The following LTBP3 variants were observed in gnomAD, a reference collection of about 807,000 sequenced individuals.
LTBP3 encodes latent-transforming growth factor beta-binding protein 3.
LTBP3 carries 97 observed loss-of-function variants against 159.7 expected under a neutral mutation model. That is an observed-to-expected ratio of 0.61 (90% CI 0.52 to 0.72). LTBP3 has a LOEUF of 0.72. LTBP3 is among the 30% of genes least tolerant of loss of function. The pLI, the probability that LTBP3 is intolerant of heterozygous loss-of-function variation, is 0.00. For missense variants in LTBP3, 1,584 were observed against 1,864.3 expected (o/e 0.85, Z 2.77); for synonymous variants, 824 against 777.1 (o/e 1.06, Z -1.00).
At chr11:65,539,922 G>A (rs1856002754) in intron 24 of LTBP3, 41 bp from the exon 25 acceptor site, 1 of 1,484,822 alleles carries the variant, frequency 6.7e-7, no homozygotes, top group Admixed American at 2.3e-5. Context: ...GCCCAAGGCA[G>A]GAACCGCCCG....
At position 65,552,536 on chromosome 11, in the gene LTBP3, A is replaced by G; in HGVS notation, c.1187-130T>C. On this transcript the variant is annotated intron_variant, in intron 6 of 27. Coordinates refer to ENST00000301873, the MANE Select transcript of LTBP3 (RefSeq NM_001130144.3). This position sits in a 1 kb window ranked among gnomAD's most constrained non-coding sequence, Gnocchi z 6.0. ...TCCCCCATGTGGTCTCTGACCCCAT[A>G]TGACCCTGAACTCATGTGACCCCTG... is the stretch of plus-strand genomic sequence containing the variant. 8.6e-7 allele frequency: 1 copy of G among 1,166,360 alleles called. No homozygotes were observed. 72.3% of individuals were successfully genotyped at this position (1,166,360 alleles called of 1,614,324 possible). A position where few individuals can be genotyped will look rare whatever the true frequency, so the allele number is the denominator to read the frequency against.
Position 65,553,366 on chromosome 11 carries a change from G to C in LTBP3, c.970+59C>G. The stretch of plus-strand genomic sequence containing the variant: ...CTGGGGACTCCCACTGCAGGGATGG[G>C]TGGGGTGGGTGGGGAGGGGCCACCA... On this transcript the variant is annotated intron_variant, in intron 4 of 27. Transcript: ENST00000301873. The surrounding 1 kb of genome is among the most constrained non-coding windows in gnomAD (Gnocchi z 6.5). 3.6e-6 allele frequency: 5 copies of C among 1,383,138 alleles called. No individual in the cohort carries two copies. The highest frequency in any genetic ancestry group is 5.1e-6 in the Non-Finnish European group (5 of 982,918). The allele number at this position is 1,383,138 out of a possible 1,614,324, so 85.7% of individuals were successfully genotyped here.
chr11:65,557,780 C>T lies in LTBP3; in HGVS notation c.180G>A (p.Glu60=). 1 of 1,595,704 alleles carries T rather than the reference C, an allele frequency of 6.3e-7. No individual in the cohort carries two copies. The highest frequency in any genetic ancestry group is 8.5e-7 in the Non-Finnish European group (1 of 1,177,396). ...CCGGCGCAAAGACCACCTTGAAGCG[C>T]TCGCGGGCCAGCGCCCCGCCCCCGC... ...GAGGGGALAR[E]RFKVVFAPVI... is the part of the protein sequence containing the mutation. The change falls in exon 1 of 28, where the codon GAG becomes GAA. Residue 60 remains glutamate (E), a synonymous_variant. Coordinates refer to ENST00000301873, the MANE Select transcript of LTBP3 (RefSeq NM_001130144.3).
At position 65,539,928 on chromosome 11, in the gene LTBP3, GCCCGCCTCCGCCCCAC is replaced by G. The variant is rs1243744930; in HGVS notation, c.3386-63_3386-48del. The stretch of plus-strand genomic sequence containing the variant: ...AGGGGAGGGGCCCAAGGCAGGAACC[GCCCGCCTCCGCCCCAC>G]CCCACCTGCGCGGGGGCCACGTGAC... On this transcript the variant is annotated intron_variant, in intron 24 of 27. Transcript: ENST00000301873. The G allele has an allele frequency of 6.1e-6, 9 of 1,473,832 alleles. No individual in the cohort carries two copies. In the South Asian group the frequency reaches 1.2e-4, roughly 19 times the overall value. 91.3% of individuals were successfully genotyped at this position (1,473,832 alleles called of 1,614,324 possible).
At chr11:65,557,206 CTTTAGACATTT>C (rs1856842009) in intron 1 of LTBP3, among the ~76,000 whole-genome samples, 1 of 152,120 alleles carries the variant, frequency 6.6e-6, no homozygotes, top group Admixed American at 6.5e-5. Flanking sequence ...GCAGGCCCTA[CTTTAGACATTT>C]TGTAAAGACT....
intron 11 of LTBP3, 87 bp downstream of exon 11, chr11:65,551,039 A>C (rs1856590386): frequency 1.8e-6 from 2 of 1,091,894 alleles, no homozygotes; most frequent in Non-Finnish European, 2.7e-6. Context: ...TATTAGCGCT[A>C]GGGAATGCCT....
chr11:65,557,919 T>C lies in LTBP3; in HGVS notation c.41A>G (p.Glu14Gly). The change falls in exon 1 of 28, where the codon GAG becomes GGG. Residue 14 changes from glutamate to glycine, a missense_variant. Transcript: ENST00000301873. The stretch of plus-strand genomic sequence containing the variant: ...CCCCGCCGCCCCCGCCCCGCGCATC[T>C]CAGGGGCCAGGCCGCCAGCAGCCCC... ...PRGAAGGLAP[E>G]MRGAGAAGLL... is the part of the protein sequence containing the mutation. The C allele has an allele frequency of 8.0e-7, 1 of 1,246,634 alleles. No homozygotes were observed. The highest frequency in any genetic ancestry group is 3.1e-4 in the Middle Eastern group (1 of 3,198). 77.2% of individuals were successfully genotyped at this position (1,246,634 alleles called of 1,614,324 possible).
intron 11 of LTBP3, chr11:65,548,325 C>G (rs1199307555): frequency 1.7e-6 from 1 of 603,054 alleles, no homozygotes; most frequent in East Asian, 2.8e-5. Flanking sequence ...CCCCACTCAC[C>G]TCAAACCAAA....
In LTBP3 at chr11:65,543,228, T is replaced by C. The variant is rs117833641; in HGVS notation, c.2477-4A>G. The C allele has an allele frequency of 1.5e-5, 25 of 1,614,054 alleles. No homozygotes were observed. In the East Asian group the frequency reaches 5.3e-4, roughly 35 times the overall value. On this transcript the variant is annotated splice_region_variant and splice_polypyrimidine_tract_variant and intron_variant, in intron 17 of 27. Transcript: ENST00000301873. The stretch of plus-strand genomic sequence containing the variant: ...GGGAAGTCACACTCATCAATGTCTG[T>C]AGGGGATGGAAGGGGTGGAGAATCT...
chr11:65,549,776 A>AG (rs1565097359), intron 11 of LTBP3, among the ~76,000 whole-genome samples: 1 of 150,136 alleles, frequency 6.7e-6, no homozygotes, highest in African/African-American at 2.4e-5. Flanking sequence ...AAAAAAAAAA[A>AG]AGAGCATGGT....
chr11:65,547,096 C>T lies in LTBP3; in HGVS notation c.2108-176G>A, dbSNP rs1856405579. Among the ~76,000 whole-genome samples the T allele has an allele frequency of 6.6e-6, 1 of 152,166 alleles. No individual in the cohort carries two copies. The highest frequency in any genetic ancestry group is 2.4e-5 in the African/African-American group (1 of 41,430). The stretch of plus-strand genomic sequence containing the variant: ...GGTGCGGTGGCACACGGCTGTAATC[C>T]CAGCACTTTGGGAGGCCGAGGCGGG... On this transcript the variant is annotated intron_variant, in intron 14 of 27. Coordinates refer to ENST00000301873, the MANE Select transcript of LTBP3 (RefSeq NM_001130144.3). The surrounding 1 kb of genome is among the most constrained non-coding windows in gnomAD (Gnocchi z 4.6).
chr11:65,552,956 C>A lies in LTBP3; in HGVS notation c.1090G>T (p.Val364Leu), dbSNP rs769391647. The A allele has an allele frequency of 1.9e-6, 3 of 1,614,180 alleles. No homozygotes were observed. Among genetic ancestry groups the A allele is most frequent in the Non-Finnish European group, 2.5e-6 (3 of 1,180,020 alleles). ...QDINECAMPG[V>L]CRHGDCLNNP... The stretch of plus-strand genomic sequence containing the variant: ...TTGAGGCAGTCACCATGGCGACACA[C>A]GCCCGGCATTGCGCACTCGTTGATG... The change falls in exon 6 of 28, where the codon GTG becomes TTG. Residue 364 changes from valine (V) to leucine (L), a missense_variant. Val to Leu is a conservative substitution (Grantham distance 32). This residue lies in a region of LTBP3 where 156 missense variants were observed against 259.7 expected (regional missense o/e 0.60). Transcript: ENST00000301873. This position sits in a 1 kb window ranked among gnomAD's most constrained non-coding sequence, Gnocchi z 6.0.
In LTBP3 at chr11:65,552,116, T is replaced by C. The variant is rs779597511; in HGVS notation, c.1387A>G (p.Ile463Val). The change falls in exon 8 of 28, where the codon ATT becomes GTT. Residue 463 changes from isoleucine to valine, a missense_variant. This residue lies in a region of LTBP3 where 156 missense variants were observed against 259.7 expected (regional missense o/e 0.60). Transcript: ENST00000301873. This position sits in a 1 kb window ranked among gnomAD's most constrained non-coding sequence, Gnocchi z 6.0. ...EICPAGKGYH[I>V]LTSHQTLTIQ... ...GTGAGCGTCTGGTGGGAGGTGAGAATGTGGTATCCCTTCCCAGCTGGGCAG... is the reference window on the plus strand; with the variant it reads ...GTGAGCGTCTGGTGGGAGGTGAGAACGTGGTATCCCTTCCCAGCTGGGCAG... 1.9e-6 allele frequency: 3 copies of C among 1,614,074 alleles called. No homozygotes were observed. The highest frequency in any genetic ancestry group is 2.5e-6 in the Non-Finnish European group (3 of 1,179,992).
rs560260275 is a variant in LTBP3, at chr11:65,538,658, C to G, written c.*422G>C. The G allele has an allele frequency of 1.8e-5, 25 of 1,407,386 alleles. No individual in the cohort carries two copies. In the Admixed American group the frequency reaches 2.6e-4, roughly 15 times the overall value. The allele number at this position is 1,407,386 out of a possible 1,614,324, so 87.2% of individuals were successfully genotyped here. A position where few individuals can be genotyped will look rare whatever the true frequency, so the allele number is the denominator to read the frequency against. ...TGTGAGCCCGGCCGGCCCAGCCAGG[C>G]CATCTCACGTGTACATAATCAGAGC... On this transcript the variant is annotated 3_prime_UTR_variant, in exon 28 of 28. Coordinates refer to ENST00000301873, the MANE Select transcript of LTBP3 (RefSeq NM_001130144.3).
chr11:65,552,248 C>T lies in LTBP3; in HGVS notation c.1345G>A (p.Ala449Thr), dbSNP rs760080755. The T allele has an allele frequency of 1.2e-5, 20 of 1,614,040 alleles. No individual in the cohort carries two copies. The highest frequency in any genetic ancestry group is 3.3e-5 in the South Asian group (3 of 91,084). ...CTATCCCCGGGTAACCCTGACTCAC[C>T]GGTGCCATCTGTTGGGCAGCGCTGA... is the stretch of plus-strand genomic sequence containing the variant. ...RCQRCPTDGTAAFKEICPAGK... is the reference protein window; with the variant it reads ...RCQRCPTDGTTAFKEICPAGK... Residue 449 changes from alanine to threonine, a missense_variant and splice_region_variant, in exon 7 of 28, where the codon GCT becomes ACT. This residue lies in a region of LTBP3 where 156 missense variants were observed against 259.7 expected (regional missense o/e 0.60). Coordinates refer to ENST00000301873, the MANE Select transcript of LTBP3 (RefSeq NM_001130144.3). This position sits in a 1 kb window ranked among gnomAD's most constrained non-coding sequence, Gnocchi z 6.0.
Position 65,540,926 on chromosome 11 carries a change from T to A in LTBP3, c.2922A>T (p.Gly974=). 6.2e-7 allele frequency: 1 copy of A among 1,613,658 alleles called. No homozygotes were observed. The highest frequency in any genetic ancestry group is 8.5e-7 in the Non-Finnish European group (1 of 1,179,848). The part of the protein sequence containing the change: ...SAEFHSLCPD[G]KGYTQDNNIV... ...TGTTGTTGTCCTGGGTGTAGCCCTT[T>A]CCGTCTGGGCAGAGGCTGTGGAACT... The change falls in exon 21 of 28, where the codon GGA becomes GGT. Residue 974 remains glycine, a synonymous_variant. Coordinates refer to ENST00000301873, the MANE Select transcript of LTBP3 (RefSeq NM_001130144.3).
chr11:65,554,113 C>T lies in LTBP3; in HGVS notation c.599G>A (p.Gly200Glu). Residue 200 changes from glycine (G) to glutamate (E), a missense_variant, in exon 2 of 28, where the codon GGG becomes GAG. Around this residue, in one of 6 missense-constraint regions of LTBP3, gnomAD observed 194 missense variants for 198.7 expected, o/e 0.98. Coordinates refer to ENST00000301873, the MANE Select transcript of LTBP3 (RefSeq NM_001130144.3). The surrounding 1 kb of genome is among the most constrained non-coding windows in gnomAD (Gnocchi z 5.3). ...VIADPPGPGE[G>E]PPAQHAAFLV... Reference sequence around the variant, plus strand: ...GAAGGCTGCGTGCTGGGCAGGAGGCCCCTCCCCGGGCCCAGGAGGGTCAGC... The same window carrying T: ...GAAGGCTGCGTGCTGGGCAGGAGGCTCCTCCCCGGGCCCAGGAGGGTCAGC... The T allele has an allele frequency of 6.2e-7, 1 of 1,610,740 alleles. No homozygotes were observed.
chr11:65,552,149 T>G lies in LTBP3; in HGVS notation c.1354A>C (p.Lys452Gln). Residue 452 changes from lysine (K) to glutamine (Q), a missense_variant, in exon 8 of 28, where the codon AAG becomes CAG. By Grantham distance (53) the Lys-to-Gln change is moderately conservative. Transcript: ENST00000301873. This position sits in a 1 kb window ranked among gnomAD's most constrained non-coding sequence, Gnocchi z 6.0. ...RCPTDGTAAF[K>Q]EICPAGKGYH... Reference sequence around the variant, plus strand: ...CCCTTCCCAGCTGGGCAGATCTCCTTGAACGCAGCTGCAGTCAAGACAGCA... The same window carrying G: ...CCCTTCCCAGCTGGGCAGATCTCCTGGAACGCAGCTGCAGTCAAGACAGCA... 1 of 1,614,146 alleles carries G rather than the reference T, an allele frequency of 6.2e-7. No homozygotes were observed. The highest frequency in any genetic ancestry group is 8.5e-7 in the Non-Finnish European group (1 of 1,179,998).
intron 11 of LTBP3, chr11:65,548,494 A>G: frequency 4.2e-6 from 1 of 240,912 alleles, no homozygotes; most frequent in Non-Finnish European, 8.2e-6. Flanking sequence ...CAGGGACCCG[A>G]CCCCCTATTC....
Sources: allele counts gnomAD v4.1 joint callset (sites outside exome capture counted in the v4.1 genomes callset), GRCh38; gene constraint gnomAD v4.1.1; regional missense constraint gnomAD v4.1.1; non-coding constraint Gnocchi (gnomAD v3.1); transcripts MANE v1.5; gene names NCBI Gene and HGNC (gene_info 2026-07-23, HGNC 2026-07-21).